Variants in PLD2 observed in about 807,000 individuals in gnomAD.
PLD2 encodes the protein phospholipase D2, also known as choline phosphatase 2.
In PLD2, 101 loss-of-function variants were observed where a neutral mutation model predicts 119.8. The observed-to-expected ratio is 0.84, with a 90% CI of 0.72 to 0.99. The LOEUF (loss-of-function observed/expected upper bound fraction) is 0.99, where lower values mean the gene tolerates loss of function less well. Ranked by LOEUF, PLD2 falls within the 50% of genes least tolerant of loss-of-function variation. The pLI, the probability that PLD2 is intolerant of heterozygous loss-of-function variation, is 0.00. For missense variants in PLD2, 1,164 were observed against 1,226.8 expected, an observed-to-expected ratio of 0.95 and a Z score of 0.76; for synonymous variants, 494 against 482.8, an observed-to-expected ratio of 1.02 and a Z score of -0.30.
chr17:4,822,924 G>A lies in PLD2; in HGVS notation c.*60G>A, dbSNP rs533299449. 8.7e-4 allele frequency: 822 copies of A among 946,218 alleles called. 3 individuals carry two copies. Among genetic ancestry groups the A allele is most frequent in the Non-Finnish European group, 1.1e-3 (640 of 603,700 alleles). The allele number at this position is 946,218 out of a possible 1,614,324, so 58.6% of individuals were successfully genotyped here. A position where few individuals can be genotyped will look rare whatever the true frequency, so the allele number is the denominator to read the frequency against. The stretch of plus-strand genomic sequence containing the variant: ...TGTGCCCCACCACGTCTGGCTCCCT[G>A]CCCCTTAACCCCAAGGACTGAGGGC... On this transcript the variant is annotated 3_prime_UTR_variant, in exon 25 of 25. Coordinates refer to ENST00000263088, the MANE Select transcript of PLD2 (RefSeq NM_002663.5).
chr17:4,809,209 G>A lies in PLD2; in HGVS notation c.489+4G>A, dbSNP rs200170253. On this transcript the variant is annotated splice_donor_region_variant and intron_variant, in intron 5 of 24. Coordinates refer to ENST00000263088, the MANE Select transcript of PLD2 (RefSeq NM_002663.5). The stretch of plus-strand genomic sequence containing the variant: ...CAGACATGCAGCCAGCAAACAGGTG[G>A]GACCAGATGCCAGGTCCTCCGGGAA... 306 of 1,613,890 alleles carry A rather than the reference G, an allele frequency of 1.9e-4. 3 individuals are homozygous for A. The East Asian group carries it at 6.6e-3, about 35-fold the overall frequency.
chr17:4,809,237 C>T (rs779065934), intron 5 of PLD2, 32 bp downstream of exon 5: 1 of 1,610,324 alleles, frequency 6.2e-7, no homozygotes. Context: ...TCCGGGAAGG[C>T]ATTGGAGGTG....
At position 4,809,287 on chromosome 17, in the gene PLD2, C is replaced by T; in HGVS notation, c.490-11C>T. The T allele has an allele frequency of 6.2e-7, 1 of 1,612,666 alleles. No homozygotes were observed. The highest frequency in any genetic ancestry group is 8.5e-7 in the Non-Finnish European group (1 of 1,178,682). ...CCATCTGTCTCTCTCTCTCTCTCAT[C>T]TCCACTTCAGAAATACCTGGAGAAT... On this transcript the variant is annotated splice_polypyrimidine_tract_variant and intron_variant, in intron 5 of 24. Transcript: ENST00000263088.
Position 4,814,456 on chromosome 17 carries a change from A to G in PLD2, c.1049A>G (p.Asp350Gly), listed in dbSNP as rs1906770655. 6.2e-7 allele frequency: 1 copy of G among 1,612,980 alleles called. No individual in the cohort carries two copies. Among genetic ancestry groups the G allele is most frequent in the Non-Finnish European group, 8.5e-7 (1 of 1,179,774 alleles). The change falls in exon 11 of 25, where the codon GAT (aspartate) becomes GGT (glycine). Residue 350 changes from aspartate (D) to glycine (G), a missense_variant. Asp to Gly is a moderately conservative substitution (Grantham distance 94, BLOSUM62 -1). Transcript: ENST00000263088. Reference protein sequence around the residue: ...NGAGYFAAVADAILRAQEEIF... With the variant: ...NGAGYFAAVAGAILRAQEEIF... ...GCAGGTTACTTTGCTGCTGTGGCAG[A>G]TGCCATCCTTCGAGCTCAAGAGGAG...
chr17:4,815,214 C>T (rs1906850616), intron 12 of PLD2, among the ~76,000 whole-genome samples: 1 of 151,680 alleles, frequency 6.6e-6, no homozygotes, highest in African/African-American at 2.4e-5. Flanking sequence ...ATAGACGGTA[C>T]ATAAAGGGAT....
rs1906050401 is a variant in PLD2 at position 4,808,049 on chromosome 17, T to G, written c.175T>G (p.Phe59Val). ...LQSLKVHPLV[F>V]APGVPVTAQV... The stretch of plus-strand genomic sequence containing the variant: ...GTCTCTGAAAGTGCACCCCTTGGTG[T>G]TCGCACCTGGGGTCCCTGTCACAGC... The change falls in exon 3 of 25, where the codon TTC (phenylalanine) becomes GTC (valine). Residue 59 changes from phenylalanine (F) to valine (V), a missense_variant. Phe to Val is a conservative substitution (Grantham distance 50). Transcript: ENST00000263088. This position sits in a 1 kb window ranked among gnomAD's most constrained non-coding sequence, Gnocchi z 4.1. The G allele has an allele frequency of 6.2e-7, 1 of 1,612,560 alleles. No individual in the cohort carries two copies. Among genetic ancestry groups the G allele is most frequent in the South Asian group, 1.1e-5 (1 of 91,034 alleles).
In PLD2 at chr17:4,823,125, CA is replaced by C; in HGVS notation, c.*264del. 2.3e-6 allele frequency: 1 copy of C among 433,400 alleles called. No homozygotes were observed. The highest frequency in any genetic ancestry group is 4.1e-6 in the Non-Finnish European group (1 of 242,740). 26.8% of individuals were successfully genotyped at this position (433,400 alleles called of 1,614,324 possible). ...CAGTGCAAACCACTTCTCCATGCTG[CA>C]AAGGAGAAGCACAGCTCCTGCCAGG... On this transcript the variant is annotated 3_prime_UTR_variant, in exon 25 of 25. Transcript: ENST00000263088.
In PLD2 at chr17:4,807,931, CAGGGGG is replaced by C. The variant is rs1646963040; in HGVS notation, c.109+51_110-47del. The C allele has an allele frequency of 6.2e-7, 1 of 1,606,978 alleles. No individual in the cohort carries two copies. Among genetic ancestry groups the C allele is most frequent in the African/African-American group, 1.3e-5 (1 of 74,908 alleles). On this transcript the variant is annotated intron_variant, in intron 2 of 24. Transcript: ENST00000263088. This position sits in a 1 kb window ranked among gnomAD's most constrained non-coding sequence, Gnocchi z 5.4. ...TCAGGGAGGAGAGGCGTTCGGGAGC[CAGGGGG>C]CTGGGGCCTGTTGTGGTCTACACTC... is the stretch of plus-strand genomic sequence containing the variant.
intron 17 of PLD2, 53 bp downstream of exon 17, chr17:4,817,312 C>T: frequency 9.0e-7 from 1 of 1,114,726 alleles, no homozygotes; most frequent in South Asian, 1.2e-5. Flanking sequence ...CAGCCTAACA[C>T]CCCAACCCAC....
Position 4,808,175 on chromosome 17 carries a change from G to A in PLD2, c.240+61G>A. 1 of 1,592,950 alleles carries A rather than the reference G, an allele frequency of 6.3e-7. No homozygotes were observed. Among genetic ancestry groups the A allele is most frequent in the South Asian group, 1.1e-5 (1 of 89,018 alleles). ...GGCGGCCCGGAATGGATCCAAGGTG[G>A]CTGGGCTGGCCCCAGGGAAGGGGCA... On this transcript the variant is annotated intron_variant, in intron 3 of 24. Transcript: ENST00000263088. This position sits in a 1 kb window ranked among gnomAD's most constrained non-coding sequence, Gnocchi z 4.1.
Position 4,814,721 on chromosome 17 carries a change from G to C in PLD2, c.1173+10G>C. 1 of 1,613,634 alleles carries C rather than the reference G, an allele frequency of 6.2e-7. No homozygotes were observed. The highest frequency in any genetic ancestry group is 8.5e-7 in the Non-Finnish European group (1 of 1,179,624). On this transcript the variant is annotated intron_variant, in intron 12 of 24. Transcript: ENST00000263088. ...GCTCAAGAGGAAGGCGGTGAGGAGA[G>C]TGGTCAGGCCGCAGGGGGAGGGGGT...
In PLD2 at chr17:4,807,423, C is replaced by G. The variant is rs1391704109; in HGVS notation, c.-2+198C>G. The G allele has an allele frequency of 2.1e-5, 4 of 189,192 alleles. No individual in the cohort carries two copies. Among genetic ancestry groups the G allele is most frequent in the Admixed American group, 5.8e-5 (1 of 17,230 alleles). The allele number at this position is 189,192 out of a possible 1,614,324, so 11.7% of individuals were successfully genotyped here. A position where few individuals can be genotyped will look rare whatever the true frequency, so the allele number is the denominator to read the frequency against. ...GGCCCGCCTGGCCTGGCGTGAGCCC[C>G]GTAGCCGCGCGCTCTCCGGACCACC... On this transcript the variant is annotated intron_variant, in intron 1 of 24. Coordinates refer to ENST00000263088, the MANE Select transcript of PLD2 (RefSeq NM_002663.5). This position sits in a 1 kb window ranked among gnomAD's most constrained non-coding sequence, Gnocchi z 5.4.
At chr17:4,812,822 C>T (rs376245134) in intron 10 of PLD2, among the ~76,000 whole-genome samples, 2 of 152,270 alleles carry the variant, frequency 1.3e-5, no homozygotes, top group Admixed American at 1.3e-4. Context: ...AGTCCAGGCA[C>T]AGAAGACAGA....
chr17:4,822,640 A>G lies in PLD2; in HGVS notation c.2578A>G (p.Ile860Val). ...CTGGCGTCCATGCCCCCGCCCACAG[A>G]TCTTCCGCTGCCTGCCATCCAATGC... ...AESNANIYEQIFRCLPSNATR... is the reference protein window; with the variant it reads ...AESNANIYEQVFRCLPSNATR... Residue 860 changes from isoleucine to valine, a missense_variant and splice_region_variant, in exon 25 of 25, where the codon ATC becomes GTC. Coordinates refer to ENST00000263088, the MANE Select transcript of PLD2 (RefSeq NM_002663.5). The G allele has an allele frequency of 1.9e-6, 3 of 1,602,776 alleles. No individual in the cohort carries two copies. Among genetic ancestry groups the G allele is most frequent in the African/African-American group, 1.3e-5 (1 of 74,890 alleles).
At chr17:4,814,309 A>G in intron 10 of PLD2, 109 bp from the exon 11 acceptor site, 1 of 1,509,056 alleles carries the variant, frequency 6.6e-7, no homozygotes, top group Non-Finnish European at 8.8e-7. Context: ...ATCATTTCTG[A>G]TCTTTGACCT....
chr17:4,817,856 G>C, intron 17 of PLD2, 146 bp from the exon 18 acceptor site: 1 of 569,444 alleles, frequency 1.8e-6, no homozygotes, highest in Non-Finnish European at 3.2e-6. Flanking sequence ...TACTTAGGAG[G>C]CTGAGGCAGG....
intron 23 of PLD2, among the ~76,000 whole-genome samples, chr17:4,820,568 AAAAT>A (rs1206338465): frequency 3.4e-5 from 5 of 147,340 alleles, no homozygotes; most frequent in South Asian, 2.2e-4. Flanking sequence ...AAAAAAAAAA[AAAAT>A]CTTTTTTTTT....
At chr17:4,818,850 G>T in intron 21 of PLD2, 27 bp downstream of exon 21, 1 of 1,610,874 alleles carries the variant, frequency 6.2e-7, no homozygotes, top group Non-Finnish European at 8.5e-7. Flanking sequence ...GGGGGCTCAA[G>T]CCCTGGGCCC....
chr17:4,809,012 T>G, intron 4 of PLD2, 88 bp from the exon 5 acceptor site: 1 of 1,053,610 alleles, frequency 9.5e-7, no homozygotes, highest in Non-Finnish European at 1.5e-6. Context: ...GCCTCTTCTT[T>G]TCCTCCGAGC....
Sources: allele counts gnomAD v4.1 joint callset (sites outside exome capture counted in the v4.1 genomes callset), GRCh38; gene constraint gnomAD v4.1.1; non-coding constraint Gnocchi (gnomAD v3.1); transcripts MANE v1.5; gene names NCBI Gene and HGNC (gene_info 2026-07-23, HGNC 2026-07-21).